Variants in MSRA observed in about 807,000 individuals in gnomAD.
The protein encoded by MSRA is methionine sulfoxide reductase A.
Under a neutral mutation model 31.3 loss-of-function variants are expected in MSRA, and 54 were observed. That is an observed-to-expected ratio of 1.73 (90% confidence interval 1.39 to 2.17). The LOEUF is 2.17. Among genes scored for constraint, MSRA ranks in the 30% most tolerant of loss-of-function variants. The pLI, the probability that MSRA is intolerant of heterozygous loss-of-function variation, is 0.00. For synonymous variants in MSRA, 169 were observed against 116.5 expected (o/e 1.45, Z -2.90); for missense variants, 507 against 300.9 (o/e 1.69, Z -5.07).
At chr8:10,163,130 C>T (rs1804807864) in intron 1 of MSRA, among the ~76,000 whole-genome samples, 1 of 152,130 alleles carries the variant, frequency 6.6e-6, no homozygotes, top group African/African-American at 2.4e-5. Flanking sequence ...AACTGTAGTC[C>T]AGAAGCGGGC....
At chr8:10,142,733 G>A (rs181258603) in intron 1 of MSRA, among the ~76,000 whole-genome samples, 3 of 152,148 alleles carry the variant, frequency 2.0e-5, no homozygotes, top group East Asian at 1.9e-4. Flanking sequence ...GATTTTTCCC[G>A]GACTATTTGA....
At chr8:10,193,879 TA>T (rs536913316) in intron 1 of MSRA, among the ~76,000 whole-genome samples, 1 of 151,998 alleles carries the variant, frequency 6.6e-6, no homozygotes, top group Non-Finnish European at 1.5e-5. Context: ...CAGGATTTTT[TA>T]AAAAAAATCT....
At chr8:10,283,838 C>CATAT (rs1799785903) in intron 3 of MSRA, among the ~76,000 whole-genome samples, 5 of 63,634 alleles carry the variant, frequency 7.9e-5, no homozygotes, top group African/African-American at 3.4e-4. Context: ...TATATATATA[C>CATAT]ACACACACAC....
chr8:10,140,684 C>G lies in MSRA; in HGVS notation c.143-67149C>G, dbSNP rs909256347. ...GGGATGGAGAGAGCACATTTTCTAT[C>G]AGAAGTTACCAGTGCACAGGAAAAA... On this transcript the variant is annotated intron_variant, in intron 1 of 5. Coordinates refer to ENST00000317173, the MANE Select transcript of MSRA (RefSeq NM_012331.5). Among the ~76,000 whole-genome samples, 33 of 152,208 alleles carry G rather than the reference C, an allele frequency of 2.2e-4. 1 individual carries two copies. Among genetic ancestry groups the G allele is most frequent in the African/African-American group, 7.9e-4 (33 of 41,528 alleles).
intron 1 of MSRA, among the ~76,000 whole-genome samples, chr8:10,140,368 C>T (rs1239580071): frequency 6.6e-6 from 1 of 152,092 alleles, no homozygotes. Context: ...TGCCACAGTG[C>T]CATATTTTCA....
At chr8:10,329,593 C>T (rs984973673) in intron 5 of MSRA, among the ~76,000 whole-genome samples, 14 of 152,188 alleles carry the variant, frequency 9.2e-5, no homozygotes, top group African/African-American at 3.4e-4. Flanking sequence ...GGAACATGGA[C>T]ATTTTGGGGA....
chr8:10,297,070 G>A (rs762385786), intron 3 of MSRA, among the ~76,000 whole-genome samples: 1 of 152,152 alleles, frequency 6.6e-6, no homozygotes, highest in Non-Finnish European at 1.5e-5. Context: ...GTAAACATTG[G>A]TTGACTTATC....
At chr8:10,095,679 A>G in intron 1 of MSRA, 1 of 1,015,764 alleles carries the variant, frequency 9.8e-7, no homozygotes, top group Non-Finnish European at 1.2e-6. Flanking sequence ...AGCTTCAGGA[A>G]AGAAAACCGT....
intron 1 of MSRA, among the ~76,000 whole-genome samples, chr8:10,098,736 C>T (rs115979594): frequency 6.6e-6 from 1 of 152,166 alleles, no homozygotes; most frequent in African/African-American, 2.4e-5. Flanking sequence ...TTGGTTGTTA[C>T]ATTTTATTGG....
intron 5 of MSRA, among the ~76,000 whole-genome samples, chr8:10,420,788 ATAG>A (rs1563461804): frequency 6.6e-6 from 1 of 152,166 alleles, no homozygotes; most frequent in Non-Finnish European, 1.5e-5. Flanking sequence ...AGTTCTAGAG[ATAG>A]TAGTGATAGT....
At chr8:10,194,748 G>A (rs1807829212) in intron 1 of MSRA, among the ~76,000 whole-genome samples, 1 of 152,148 alleles carries the variant, frequency 6.6e-6, no homozygotes, top group Non-Finnish European at 1.5e-5. Context: ...GGGACTGGAT[G>A]CAGTTTAAGC....
At position 10,074,128 on chromosome 8, in the gene MSRA, G is replaced by A. The variant is rs191786731; in HGVS notation, c.142+19470G>A. ...AATGGAGTCTCGCTCTGTCCCCCAG[G>A]CTGGAGTGCAGTGGTGCGATCTGGG... On this transcript the variant is annotated intron_variant, in intron 1 of 5. Transcript: ENST00000317173. Among the ~76,000 whole-genome samples, 715 of 127,908 alleles carry A rather than the reference G, an allele frequency of 5.6e-3. 2 individuals are homozygous for A. The highest frequency in any genetic ancestry group is 0.04 in the Middle Eastern group (7 of 176). 83.9% of individuals were successfully genotyped at this position (127,908 alleles called of 152,430 possible). A position where few individuals can be genotyped will look rare whatever the true frequency, so the allele number is the denominator to read the frequency against.
intron 5 of MSRA, among the ~76,000 whole-genome samples, chr8:10,331,154 C>G (rs2129144083): frequency 6.6e-6 from 1 of 152,336 alleles, no homozygotes; most frequent in African/African-American, 2.4e-5. Flanking sequence ...TTGGACTTCT[C>G]AGCCCCCAGA....
intron 2 of MSRA, among the ~76,000 whole-genome samples, chr8:10,222,093 A>G (rs13254507): frequency 1.3e-5 from 2 of 149,624 alleles, no homozygotes; most frequent in African/African-American, 5.0e-5. Flanking sequence ...TTTTTTTTTT[A>G]AAGCCACCGT....
chr8:10,153,262 C>T (rs1345103669), intron 1 of MSRA, among the ~76,000 whole-genome samples: 2 of 152,132 alleles, frequency 1.3e-5, no homozygotes, highest in African/African-American at 2.4e-5. Context: ...CTGGGGGGAG[C>T]ATGTGGATGA....
chr8:10,424,497 T>C (rs1001738648), intron 5 of MSRA, among the ~76,000 whole-genome samples: 4 of 116,806 alleles, frequency 3.4e-5, no homozygotes, highest in Admixed American at 3.4e-4. Flanking sequence ...GGACTCGGGA[T>C]GGAATAGGAT....
At chr8:10,226,170 G>A (rs925902588) in intron 2 of MSRA, among the ~76,000 whole-genome samples, 1 of 152,176 alleles carries the variant, frequency 6.6e-6, no homozygotes, top group African/African-American at 2.4e-5. Flanking sequence ...TGACTATAGG[G>A]GAGGGGTCAC....
chr8:10,071,851 C>G (rs1203931523), intron 1 of MSRA, among the ~76,000 whole-genome samples: 3 of 152,136 alleles, frequency 2.0e-5, no homozygotes, highest in East Asian at 1.9e-4. Context: ...CCCGCTGTAT[C>G]TCAGTACGAG....
intron 1 of MSRA, among the ~76,000 whole-genome samples, chr8:10,176,874 A>G (rs1001605774): frequency 6.6e-6 from 1 of 152,180 alleles, no homozygotes. Context: ...GTTATTTTCA[A>G]TAACCTGTAT....
Sources: gnomAD v4.1 joint callset for allele counts (sites outside exome capture counted in the v4.1 genomes callset) on GRCh38, gnomAD v4.1.1 for gene constraint, MANE v1.5 for transcripts, NCBI Gene and HGNC (gene_info 2026-07-23, HGNC 2026-07-21) for gene names.